EDNRA: variants seen among roughly 807,000 people sequenced by gnomAD.
EDNRA encodes the protein endothelin-1 receptor.
In EDNRA, 11 loss-of-function variants were observed where a neutral mutation model predicts 41.4. That is an observed-to-expected ratio of 0.27 (90% CI 0.17 to 0.44). The LOEUF (loss-of-function observed/expected upper bound fraction) is 0.44. Among genes scored for constraint, EDNRA ranks in the 20% least tolerant of loss-of-function variants. EDNRA has a pLI of 1.00. For synonymous variants in EDNRA, 172 were observed against 183.0 expected (o/e 0.94, Z 0.49); for missense variants, 294 against 531.0 (o/e 0.55, Z 4.39).
At chr4:147,523,595 A>G (rs956859077) in intron 3 of EDNRA, among the ~76,000 whole-genome samples, 1 of 150,130 alleles carries the variant, frequency 6.7e-6, no homozygotes, top group South Asian at 2.1e-4. Flanking sequence ...GGTTCACGCC[A>G]TTCTCCTGCC....
chr4:147,486,237 T>A lies in EDNRA; in HGVS notation c.420+136T>A. 1 of 955,082 alleles carries A rather than the reference T, an allele frequency of 1.0e-6. No individual in the cohort carries two copies. Among genetic ancestry groups the A allele is most frequent in the Non-Finnish European group, 1.5e-6 (1 of 661,424 alleles). 59.2% of individuals were successfully genotyped at this position (955,082 alleles called of 1,614,324 possible). Reference sequence around the variant, plus strand: ...AGAGCTATTTCTGCTGTCTTCTAACTACTAGTTTTAAGATTTACAAATTTT... The same window carrying A: ...AGAGCTATTTCTGCTGTCTTCTAACAACTAGTTTTAAGATTTACAAATTTT... On this transcript the variant is annotated intron_variant, in intron 2 of 7. Coordinates refer to ENST00000651419, the MANE Select transcript of EDNRA (RefSeq NM_001957.4). This position sits in a 1 kb window ranked among gnomAD's most constrained non-coding sequence, Gnocchi z 4.3.
intron 7 of EDNRA, 115 bp from the exon 8 acceptor site, chr4:147,542,363 C>T: frequency 6.9e-7 from 1 of 1,453,110 alleles, no homozygotes; most frequent in Non-Finnish European, 9.3e-7. Context: ...TCAAGGTTCA[C>T]TTCCCTCGAA....
intron 2 of EDNRA, among the ~76,000 whole-genome samples, chr4:147,514,632 C>G (rs1264917595): frequency 6.6e-6 from 1 of 152,070 alleles, no homozygotes; most frequent in Non-Finnish European, 1.5e-5. Context: ...TGCCACCACA[C>G]CTGGCTAATT....
intron 2 of EDNRA, among the ~76,000 whole-genome samples, chr4:147,513,748 C>T (rs1324494559): frequency 6.6e-6 from 1 of 152,178 alleles, no homozygotes; most frequent in Admixed American, 6.5e-5. Flanking sequence ...TTGAGGTTTG[C>T]AGCTATTACA....
At chr4:147,491,130 C>G (rs987561825) in intron 2 of EDNRA, 1 of 152,128 alleles carries the variant, frequency 6.6e-6, no homozygotes, top group Non-Finnish European at 1.5e-5. Flanking sequence ...TTTTGTCTAC[C>G]CTAAGCAACC....
chr4:147,508,866 A>G (rs1288859698), intron 2 of EDNRA, among the ~76,000 whole-genome samples: 1 of 152,166 alleles, frequency 6.6e-6, no homozygotes, highest in Non-Finnish European at 1.5e-5. Flanking sequence ...ATTAATAGTA[A>G]GTTTTTAAAT....
chr4:147,524,636 C>G (rs1730468005), intron 3 of EDNRA, among the ~76,000 whole-genome samples: 1 of 149,368 alleles, frequency 6.7e-6, no homozygotes, highest in African/African-American at 2.5e-5. Context: ...AAATTCCACT[C>G]TCACAAAAAT....
chr4:147,532,985 ATG>A (rs113450165), intron 4 of EDNRA, among the ~76,000 whole-genome samples: 36 of 125,068 alleles, frequency 2.9e-4, no homozygotes, highest in East Asian at 2.1e-3. Flanking sequence ...GAGGGACTAG[ATG>A]TGTGTGTGTG....
At chr4:147,535,656 G>C (rs1216163199) in intron 4 of EDNRA, among the ~76,000 whole-genome samples, 1 of 152,136 alleles carries the variant, frequency 6.6e-6, no homozygotes, top group African/African-American at 2.4e-5. Context: ...ATTTTTGTAA[G>C]TGCAGTTTCT....
At chr4:147,516,155 C>G (rs1730108504) in intron 2 of EDNRA, among the ~76,000 whole-genome samples, 1 of 152,198 alleles carries the variant, frequency 6.6e-6, no homozygotes, top group Non-Finnish European at 1.5e-5. Flanking sequence ...CTGTGATCTG[C>G]TTGAGAAGAG....
intron 3 of EDNRA, among the ~76,000 whole-genome samples, chr4:147,525,916 G>A (rs1730526100): frequency 6.6e-6 from 1 of 152,228 alleles, no homozygotes; most frequent in South Asian, 2.1e-4. Flanking sequence ...AGTGGTCTCT[G>A]TGATATTCTC....
chr4:147,535,024 G>T (rs1730872638), intron 4 of EDNRA, among the ~76,000 whole-genome samples: 1 of 152,126 alleles, frequency 6.6e-6, no homozygotes, highest in South Asian at 2.1e-4. Context: ...TTTACTGTGG[G>T]AACTGCATTG....
chr4:147,524,897 CA>C (rs142853552), intron 3 of EDNRA, among the ~76,000 whole-genome samples: 82 of 148,602 alleles, frequency 5.5e-4, no homozygotes, highest in African/African-American at 1.5e-3. Flanking sequence ...TCTACTACTA[CA>C]AAAAAAAATA....
intron 5 of EDNRA, among the ~76,000 whole-genome samples, chr4:147,537,949 C>T (rs1021841038): frequency 1.3e-5 from 2 of 152,258 alleles, no homozygotes; most frequent in Admixed American, 6.5e-5. Context: ...TTGACTAATA[C>T]TCTGTGGGGC....
intron 2 of EDNRA, among the ~76,000 whole-genome samples, chr4:147,510,390 A>C (rs948643653): frequency 3.9e-5 from 6 of 152,234 alleles, no homozygotes; most frequent in Non-Finnish European, 7.3e-5. Context: ...CTTCAAGACT[A>C]GAAGTAAAAC....
intron 5 of EDNRA, among the ~76,000 whole-genome samples, chr4:147,539,076 C>T (rs1181521187): frequency 1.3e-5 from 2 of 151,908 alleles, no homozygotes; most frequent in Admixed American, 6.6e-5. Flanking sequence ...CCATGAAGTC[C>T]GTCCAAGGTC....
chr4:147,504,392 C>T (rs7685896), intron 2 of EDNRA, among the ~76,000 whole-genome samples: 2,240 of 152,196 alleles, frequency 0.015, 56 homozygotes, highest in African/African-American at 0.048. Flanking sequence ...TACTAGTTTA[C>T]CAATTATAAG....
intron 5 of EDNRA, among the ~76,000 whole-genome samples, chr4:147,539,037 C>A (rs956688669): frequency 6.6e-5 from 10 of 152,032 alleles, no homozygotes; most frequent in Non-Finnish European, 1.5e-4. Context: ...TTTTCTGATC[C>A]TGAGCAGACT....
rs78898834 is a variant in EDNRA at position 147,529,506 on chromosome 4, G to T, written c.549-3000G>T. Among the ~76,000 whole-genome samples the T allele has an allele frequency of 1.7e-3, 256 of 152,268 alleles. 2 individuals are homozygous for T. Among genetic ancestry groups the T allele is most frequent in the African/African-American group, 5.9e-3 (245 of 41,544 alleles). On this transcript the variant is annotated intron_variant, in intron 3 of 7. Transcript: ENST00000651419. The stretch of plus-strand genomic sequence containing the variant: ...GAATTTGTGGAGAAAGCGGGGTCCA[G>T]CCAGGTAAATGAGAAGGAATGGCCA...
Sources: allele counts gnomAD v4.1 joint callset (sites outside exome capture counted in the v4.1 genomes callset), GRCh38; gene constraint gnomAD v4.1.1; non-coding constraint Gnocchi (gnomAD v3.1); transcripts MANE v1.5; gene names NCBI Gene and HGNC (gene_info 2026-07-23, HGNC 2026-07-21).